PSMC1: variants seen among roughly 807,000 people sequenced by gnomAD.
The protein encoded by PSMC1 is proteasome 26S subunit, ATPase 1, also known as 26S proteasome regulatory subunit 4.
PSMC1 carries 5 observed loss-of-function variants against 49.8 expected under a neutral mutation model. The ratio of observed to expected loss-of-function variants is 0.10; its 90% CI spans 0.05 to 0.21. The LOEUF is 0.21. Among genes scored for constraint, PSMC1 ranks in the 10% least tolerant of loss-of-function variants. PSMC1 has a pLI of 1.00. For missense variants in PSMC1, 181 were observed against 535.7 expected (o/e 0.34, Z 6.54); for synonymous variants, 155 against 192.1 (o/e 0.81, Z 1.60).
intron 7 of PSMC1, among the ~76,000 whole-genome samples, chr14:90,267,232 C>T (rs968901113): frequency 4.6e-5 from 7 of 151,864 alleles, no homozygotes; most frequent in African/African-American, 9.7e-5. Context: ...CGGGTTCAAG[C>T]GATTCTCCTG....
chr14:90,265,476 G>T (rs975113896), intron 7 of PSMC1, among the ~76,000 whole-genome samples: 3 of 152,056 alleles, frequency 2.0e-5, no homozygotes, highest in African/African-American at 7.2e-5. Context: ...GGATCATGAG[G>T]TCAGGAGTTC....
chr14:90,273,551 C>T lies in PSMC1; in HGVS notation c.*1144C>T, dbSNP rs1566677233. 1.3e-5 allele frequency: 2 copies of T among 152,176 alleles called. No homozygotes were observed. Among genetic ancestry groups the T allele is most frequent in the African/African-American group, 4.8e-5 (2 of 41,418 alleles). 9.4% of individuals were successfully genotyped at this position (152,176 alleles called of 1,614,324 possible). ...CCAGCCTGGGCGACAGAGCAAGACT[C>T]CGTCTCAAAAATAAATAAATAAATA... On this transcript the variant is annotated 3_prime_UTR_variant, in exon 11 of 11. Coordinates refer to ENST00000261303, the MANE Select transcript of PSMC1 (RefSeq NM_002802.3).
chr14:90,275,405 A>G lies in PSMC1; in HGVS notation c.*2998A>G, dbSNP rs1891782530. On this transcript the variant is annotated 3_prime_UTR_variant, in exon 11 of 11. Coordinates refer to ENST00000261303, the MANE Select transcript of PSMC1 (RefSeq NM_002802.3). The stretch of plus-strand genomic sequence containing the variant: ...GCACTTGCATCTTTTCCTAAGTTTG[A>G]GATTAAAAAAAACAAAAAACCCCAG... 6.6e-6 allele frequency: 1 copy of G among 152,098 alleles called. No individual in the cohort carries two copies. Among genetic ancestry groups the G allele is most frequent in the African/African-American group, 2.4e-5 (1 of 41,410 alleles). The allele number at this position is 152,098 out of a possible 1,614,324, so 9.4% of individuals were successfully genotyped here. A position where few individuals can be genotyped will look rare whatever the true frequency, so the allele number is the denominator to read the frequency against.
intron 4 of PSMC1, 60 bp from the exon 5 acceptor site, chr14:90,263,602 A>G (rs1744986825): frequency 6.4e-7 from 1 of 1,567,072 alleles, no homozygotes; most frequent in African/African-American, 1.4e-5. Context: ...CTAGCGAACT[A>G]TCAGGATCAT....
rs1320796567 is a variant in PSMC1 at position 90,273,697 on chromosome 14, T to G, written c.*1290T>G. 1 of 154,120 alleles carries G rather than the reference T, an allele frequency of 6.5e-6. No individual in the cohort carries two copies. Among genetic ancestry groups the G allele is most frequent in the Non-Finnish European group, 1.5e-5 (1 of 68,218 alleles). 9.5% of individuals were successfully genotyped at this position (154,120 alleles called of 1,614,324 possible). On this transcript the variant is annotated 3_prime_UTR_variant, in exon 11 of 11. Transcript: ENST00000261303. ...TGGCGTCTCTAAGGGAGAATCCGTT[T>G]CCTTGCTGAGGATTATTGTTGGCAG...
chr14:90,261,473 T>G (rs1332244812), intron 3 of PSMC1, among the ~76,000 whole-genome samples: 2 of 152,192 alleles, frequency 1.3e-5, no homozygotes, highest in African/African-American at 2.4e-5. Context: ...CCAAAACCAG[T>G]CATGTTACAT....
At chr14:90,259,312 T>C in intron 2 of PSMC1, 99 bp downstream of exon 2, 2 of 1,145,990 alleles carry the variant, frequency 1.7e-6, no homozygotes, top group Non-Finnish European at 2.6e-6. Context: ...TTTTAAAAAG[T>C]AGAATGATCC....
chr14:90,270,143 T>C, intron 9 of PSMC1, 55 bp from the exon 10 acceptor site: 15 of 1,591,112 alleles, frequency 9.4e-6, no homozygotes, highest in Non-Finnish European at 1.2e-5. Flanking sequence ...CTCTGAGCCA[T>C]GGCCGAGCCT....
At position 90,260,106 on chromosome 14, in the gene PSMC1, C is replaced by T. The variant is rs200776958; in HGVS notation, c.58-9C>T. Reference sequence around the variant, plus strand: ...TGATTTTTTTTTCCTGCTATTCTAACAACTCAAGGACAAGAAAAAGAAATA... The same window carrying T: ...TGATTTTTTTTTCCTGCTATTCTAATAACTCAAGGACAAGAAAAAGAAATA... On this transcript the variant is annotated splice_polypyrimidine_tract_variant and intron_variant, in intron 2 of 10. Transcript: ENST00000261303. The T allele has an allele frequency of 7.9e-6, 12 of 1,527,456 alleles. No homozygotes were observed. The highest frequency in any genetic ancestry group is 1.4e-5 in the African/African-American group (1 of 71,662). 94.6% of individuals were successfully genotyped at this position (1,527,456 alleles called of 1,614,324 possible). A position where few individuals can be genotyped will look rare whatever the true frequency, so the allele number is the denominator to read the frequency against.
chr14:90,260,322 C>A, intron 3 of PSMC1, 111 bp downstream of exon 3: 1 of 728,992 alleles, frequency 1.4e-6, no homozygotes, highest in Non-Finnish European at 2.3e-6. Context: ...GCAACTGAAG[C>A]TCTAGCTTTG....
chr14:90,273,557 CAAAAAT>C lies in PSMC1; in HGVS notation c.*1154_*1159del, dbSNP rs1056726396. 1 of 152,084 alleles carries C rather than the reference CAAAAAT, an allele frequency of 6.6e-6. No homozygotes were observed. Among genetic ancestry groups the C allele is most frequent in the Non-Finnish European group, 1.5e-5 (1 of 68,022 alleles). The allele number at this position is 152,084 out of a possible 1,614,324, so 9.4% of individuals were successfully genotyped here. ...TGGGCGACAGAGCAAGACTCCGTCTCAAAAATAAATAAATAAATAAATAAAAACCAC... is the reference window on the plus strand; with the variant it reads ...TGGGCGACAGAGCAAGACTCCGTCTCAAATAAATAAATAAATAAAAACCAC... On this transcript the variant is annotated 3_prime_UTR_variant, in exon 11 of 11. Transcript: ENST00000261303.
At chr14:90,258,120 T>A (rs1174526101) in intron 1 of PSMC1, among the ~76,000 whole-genome samples, 1 of 152,190 alleles carries the variant, frequency 6.6e-6, no homozygotes, top group African/African-American at 2.4e-5. Flanking sequence ...CAAACCTGAA[T>A]GTGATTCCTG....
At chr14:90,260,259 C>T in intron 3 of PSMC1, 48 bp downstream of exon 3, 1 of 1,372,656 alleles carries the variant, frequency 7.3e-7, no homozygotes, top group Non-Finnish European at 1.0e-6. Context: ...TTAGGATAAA[C>T]CATCTCTGTG....
chr14:90,262,855 GA>G (rs11301999), intron 3 of PSMC1, among the ~76,000 whole-genome samples: 83,432 of 151,386 alleles, frequency 0.55, 23,665 homozygotes, highest in Middle Eastern at 0.72. Flanking sequence ...ATAATGTATG[GA>G]AAAAAAATAT....
chr14:90,267,581 C>T (rs571835732), intron 7 of PSMC1: 2 of 152,310 alleles, frequency 1.3e-5, no homozygotes, highest in Non-Finnish European at 2.9e-5. Context: ...CATGCCACAG[C>T]AGCTCTCACT....
At chr14:90,258,852 G>A (rs947650967) in intron 1 of PSMC1, among the ~76,000 whole-genome samples, 1 of 152,184 alleles carries the variant, frequency 6.6e-6, no homozygotes, top group African/African-American at 2.4e-5. Context: ...CTCAAGAGGG[G>A]GGTGATCTTA....
rs1472425943 is a variant in PSMC1 at position 90,268,274 on chromosome 14, T to C, written c.742T>C (p.Leu248=). Residue 248 remains leucine, a synonymous_variant, in exon 8 of 11, where the codon TTG becomes CTG. Coordinates refer to ENST00000261303, the MANE Select transcript of PSMC1 (RefSeq NM_002802.3). ...AVANQTSATF[L]RVVGSELIQK... ...AGCAAACCAAACCTCAGCCACTTTC[T>C]TGAGAGTGGTTGGCTCTGAACTTAT... The C allele has an allele frequency of 2.5e-6, 4 of 1,609,740 alleles. No homozygotes were observed. Among genetic ancestry groups the C allele is most frequent in the Non-Finnish European group, 3.4e-6 (4 of 1,177,798 alleles).
At chr14:90,262,974 CAT>C (rs1891430153) in intron 3 of PSMC1, among the ~76,000 whole-genome samples, 1 of 152,154 alleles carries the variant, frequency 6.6e-6, no homozygotes, top group Non-Finnish European at 1.5e-5. Context: ...GCCTGAGCAA[CAT>C]ATGTAACTTT....
At chr14:90,268,664 G>A (rs932054294) in intron 8 of PSMC1, 10 of 389,568 alleles carry the variant, frequency 2.6e-5, no homozygotes, top group African/African-American at 1.9e-4. Context: ...AGGACCATCT[G>A]GACTCTAGGG....
Sources: gnomAD v4.1 joint callset for allele counts (sites outside exome capture counted in the v4.1 genomes callset) on GRCh38, gnomAD v4.1.1 for gene constraint, MANE v1.5 for transcripts, NCBI Gene and HGNC (gene_info 2026-07-23, HGNC 2026-07-21) for gene names.